NRXN1: variants seen among roughly 807,000 people sequenced by gnomAD.
The protein encoded by NRXN1 is neurexin 1.
A neutral mutation model predicts 150.9 loss-of-function variants in NRXN1; 39 were observed. The observed-to-expected ratio is 0.26, with a 90% CI of 0.20 to 0.34. The LOEUF is 0.34. Ranked by LOEUF, NRXN1 falls within the 10% of genes least tolerant of loss-of-function variation. The probability of loss-of-function intolerance (pLI) is 1.00; values close to 1 mark genes in which losing one functional copy is unlikely to be tolerated. For missense variants in NRXN1, 1,815 were observed against 1,949.9 expected (o/e 0.93, Z 1.30); for synonymous variants, 924 against 757.0 (o/e 1.22, Z -3.62).
Position 50,538,470 on chromosome 2 carries a change from G to A in NRXN1, c.1926C>T (p.Gly642=), listed in dbSNP as rs1381233729. The change falls in exon 10 of 23, where the codon GGC becomes GGT. Residue 642 remains glycine, a synonymous_variant. Coordinates refer to ENST00000401669, the MANE Select transcript of NRXN1 (RefSeq NM_001330078.2). ...WTALLNYGYV[G]CIRDLFIDGQ... is the part of the protein sequence containing the mutation. ...CATCGATGAACAAATCCCTGATGCAGCCCACGTAGCCATAGTTGAGCAGAG... is the reference window on the plus strand; with the variant it reads ...CATCGATGAACAAATCCCTGATGCAACCCACGTAGCCATAGTTGAGCAGAG... 3.1e-6 allele frequency: 5 copies of A among 1,613,862 alleles called. No homozygotes were observed. The South Asian group carries it at 4.4e-5, about 14-fold the overall frequency.
chr2:50,551,381 G>C (rs1173874661), intron 9 of NRXN1: 2 of 152,064 alleles, frequency 1.3e-5, no homozygotes, highest in Non-Finnish European at 2.9e-5. Context: ...CAATCTTCTT[G>C]ATCTATAAAC....
At chr2:50,416,459 C>T (rs2083546407) in intron 17 of NRXN1, among the ~76,000 whole-genome samples, 1 of 152,092 alleles carries the variant, frequency 6.6e-6, no homozygotes, top group South Asian at 2.1e-4. Flanking sequence ...TGCTCTATTT[C>T]ACTCACCATA....
chr2:50,766,413 C>G (rs933241908), intron 5 of NRXN1, among the ~76,000 whole-genome samples: 16 of 152,070 alleles, frequency 1.1e-4, no homozygotes, highest in African/African-American at 3.9e-4. Context: ...GCAGAAAACT[C>G]AAAGAATCTT....
At chr2:49,955,393 A>G (rs571443091) in intron 21 of NRXN1, among the ~76,000 whole-genome samples, 19 of 152,206 alleles carry the variant, frequency 1.2e-4, no homozygotes, top group African/African-American at 4.1e-4. Flanking sequence ...ATTATACCCC[A>G]TGGCTGGAAA....
At chr2:50,457,237 G>C (rs1206193392) in intron 17 of NRXN1, among the ~76,000 whole-genome samples, 2 of 152,016 alleles carry the variant, frequency 1.3e-5, no homozygotes, top group African/African-American at 2.4e-5. Context: ...AAAAGCATAA[G>C]GTTTAAATTT....
intron 17 of NRXN1, among the ~76,000 whole-genome samples, chr2:50,304,701 G>C (rs2074454796): frequency 6.6e-6 from 1 of 152,102 alleles, no homozygotes; most frequent in Non-Finnish European, 1.5e-5. Context: ...TCAGTGTGTT[G>C]TGTGCTAAGG....
At chr2:50,900,657 T>C (rs540673736) in intron 5 of NRXN1, among the ~76,000 whole-genome samples, 179 of 152,140 alleles carry the variant, frequency 1.2e-3, no homozygotes, top group African/African-American at 4.1e-3. Flanking sequence ...TCTTCAATAG[T>C]AGGAAAATAA....
At chr2:50,329,385 T>C (rs1386970242) in intron 17 of NRXN1, among the ~76,000 whole-genome samples, 1 of 150,738 alleles carries the variant, frequency 6.6e-6, no homozygotes, top group African/African-American at 2.4e-5. Flanking sequence ...TGATAAGGAC[T>C]GAAAATAATA....
At chr2:50,818,588 C>A (rs1447880966) in intron 5 of NRXN1, among the ~76,000 whole-genome samples, 1 of 151,788 alleles carries the variant, frequency 6.6e-6, no homozygotes, top group Non-Finnish European at 1.5e-5. Context: ...AAATAAAACA[C>A]AGGTGAAAAG....
chr2:50,544,589 A>C (rs2093455236), intron 9 of NRXN1, among the ~76,000 whole-genome samples: 1 of 152,170 alleles, frequency 6.6e-6, no homozygotes, highest in Non-Finnish European at 1.5e-5. Context: ...AAAATTTAAA[A>C]GTTTAATAAT....
chr2:50,695,518 T>C (rs1398189040), intron 5 of NRXN1, among the ~76,000 whole-genome samples: 4 of 152,174 alleles, frequency 2.6e-5, no homozygotes, highest in African/African-American at 4.8e-5. Context: ...TATAGTCTCT[T>C]ATTCATAGTA....
intron 8 of NRXN1, among the ~76,000 whole-genome samples, chr2:50,595,522 C>A (rs1188793762): frequency 1.3e-5 from 2 of 152,060 alleles, no homozygotes; most frequent in South Asian, 4.1e-4. Flanking sequence ...CAGATAAGAG[C>A]CAGAGTAACA....
chr2:50,328,399 T>A (rs1271669569), intron 17 of NRXN1, among the ~76,000 whole-genome samples: 2 of 151,988 alleles, frequency 1.3e-5, no homozygotes, highest in Non-Finnish European at 2.9e-5. Context: ...AACATTTAAT[T>A]CCCTCACTCT....
At chr2:50,468,445 ATACT>A (rs1173699851) in intron 16 of NRXN1, among the ~76,000 whole-genome samples, 1 of 151,590 alleles carries the variant, frequency 6.6e-6, no homozygotes, top group Non-Finnish European at 1.5e-5. Context: ...CTTCTAGACA[ATACT>A]TAAACATTGA....
At chr2:50,116,440 G>T (rs550711284) in intron 18 of NRXN1, among the ~76,000 whole-genome samples, 3 of 152,142 alleles carry the variant, frequency 2.0e-5, no homozygotes, top group East Asian at 3.9e-4. Context: ...CAATGAAAAT[G>T]AATCATATGT....
intron 21 of NRXN1, among the ~76,000 whole-genome samples, chr2:50,048,243 T>C (rs527831319): frequency 6.6e-6 from 1 of 152,276 alleles, no homozygotes; most frequent in East Asian, 1.9e-4. Context: ...AAAGTGTTTT[T>C]CTTTGAAATA....
At chr2:50,278,345 G>A (rs1441181140) in intron 17 of NRXN1, among the ~76,000 whole-genome samples, 1 of 134,502 alleles carries the variant, frequency 7.4e-6, no homozygotes, top group Non-Finnish European at 1.5e-5. Context: ...AGTAGAGATG[G>A]GGTTTCACCA....
At chr2:50,027,386 C>T (rs1688510753) in intron 21 of NRXN1, among the ~76,000 whole-genome samples, 1 of 147,344 alleles carries the variant, frequency 6.8e-6, no homozygotes, top group African/African-American at 2.5e-5. Flanking sequence ...TCCTTCCTCC[C>T]TCCCTTCCTT....
intron 18 of NRXN1, among the ~76,000 whole-genome samples, chr2:50,222,119 G>A (rs1211048372): frequency 6.6e-6 from 1 of 151,954 alleles, no homozygotes; most frequent in East Asian, 1.9e-4. Flanking sequence ...TGCTACCCAG[G>A]AGGATATTAA....
Sources: allele counts gnomAD v4.1 joint callset (sites outside exome capture counted in the v4.1 genomes callset), GRCh38; gene constraint gnomAD v4.1.1; transcripts MANE v1.5; gene names NCBI Gene and HGNC (gene_info 2026-07-23, HGNC 2026-07-21).